BAIAP2L1: variants seen among roughly 807,000 people sequenced by gnomAD.
BAIAP2L1 encodes the protein BAR/IMD domain containing adaptor protein 2 like 1, also known as BAR/IMD domain-containing adapter protein 2-like 1.
Under a neutral mutation model 66.3 loss-of-function variants are expected in BAIAP2L1, and 35 were observed. The observed-to-expected ratio is 0.53, with a 90% CI of 0.40 to 0.70. BAIAP2L1 has a LOEUF of 0.70. BAIAP2L1 is among the 30% of genes least tolerant of loss of function. The pLI is 0.00. For missense variants in BAIAP2L1, 622 were observed against 656.9 expected (o/e 0.95, Z 0.58); for synonymous variants, 269 against 248.7 (o/e 1.08, Z -0.77).
chr7:98,376,668 A>C (rs1448447084), intron 1 of BAIAP2L1, among the ~76,000 whole-genome samples: 1 of 151,224 alleles, frequency 6.6e-6, no homozygotes, highest in African/African-American at 2.4e-5. Context: ...AAAAAAAAAA[A>C]AAAAAAACAC....
intron 1 of BAIAP2L1, among the ~76,000 whole-genome samples, chr7:98,380,479 A>G (rs575489347): frequency 6.6e-6 from 1 of 152,228 alleles, no homozygotes; most frequent in South Asian, 2.1e-4. Flanking sequence ...TAAACCCATC[A>G]GATCTTGTGA....
chr7:98,372,213 C>A (rs1802527222), intron 1 of BAIAP2L1, among the ~76,000 whole-genome samples: 2 of 151,982 alleles, frequency 1.3e-5, no homozygotes, highest in South Asian at 4.1e-4. Context: ...CGAGACCAAC[C>A]TGGGCAACAT....
intron 3 of BAIAP2L1, among the ~76,000 whole-genome samples, chr7:98,334,689 G>A (rs906152976): frequency 1.3e-5 from 2 of 151,798 alleles, no homozygotes; most frequent in Non-Finnish European, 2.9e-5. Flanking sequence ...CTGACTATAG[G>A]TGCCCCCCAC....
chr7:98,312,389 G>A (rs1454627572), intron 7 of BAIAP2L1, 125 bp from the exon 8 acceptor site: 1 of 1,021,088 alleles, frequency 9.8e-7, no homozygotes, highest in African/African-American at 1.6e-5. Flanking sequence ...GGGGCCCTGG[G>A]TTAAACTCGG....
chr7:98,315,820 G>A (rs984875563), intron 6 of BAIAP2L1, among the ~76,000 whole-genome samples: 1 of 152,176 alleles, frequency 6.6e-6, no homozygotes, highest in African/African-American at 2.4e-5. Context: ...GCAGAGAGAA[G>A]TTGCCCAAGG....
chr7:98,294,183 G>A, intron 12 of BAIAP2L1, 72 bp from the exon 13 acceptor site: 2 of 1,521,346 alleles, frequency 1.3e-6, no homozygotes, highest in Admixed American at 1.7e-5. Flanking sequence ...GGTAGAGATG[G>A]GGATTTGCTA....
chr7:98,388,012 C>G (rs1448047413), intron 1 of BAIAP2L1, among the ~76,000 whole-genome samples: 1 of 151,906 alleles, frequency 6.6e-6, no homozygotes, highest in Non-Finnish European at 1.5e-5. Flanking sequence ...CCACCTATTT[C>G]AGTCATTTGT....
intron 2 of BAIAP2L1, among the ~76,000 whole-genome samples, chr7:98,359,098 A>G (rs2115712825): frequency 6.6e-6 from 1 of 152,322 alleles, no homozygotes; most frequent in South Asian, 2.1e-4. Flanking sequence ...CACGGGCCGC[A>G]GAAGACTGCA....
In BAIAP2L1 at chr7:98,292,345, C is replaced by T. The variant is rs1799999700; in HGVS notation, c.*1176G>A. The stretch of plus-strand genomic sequence containing the variant: ...CAAGTGATTCTCCTGCCTCAGCCTC[C>T]TGAGTGGCGCCCACCACCACACCTG... On this transcript the variant is annotated 3_prime_UTR_variant, in exon 14 of 14. Coordinates refer to ENST00000005260, the MANE Select transcript of BAIAP2L1 (RefSeq NM_018842.5). 5.3e-6 allele frequency: 2 copies of T among 378,280 alleles called. No homozygotes were observed. The highest frequency in any genetic ancestry group is 1.1e-4 in the East Asian group (2 of 18,156). The allele number at this position is 378,280 out of a possible 1,614,324, so 23.4% of individuals were successfully genotyped here. A position where few individuals can be genotyped will look rare whatever the true frequency, so the allele number is the denominator to read the frequency against.
At chr7:98,387,619 G>T (rs1367777038) in intron 1 of BAIAP2L1, among the ~76,000 whole-genome samples, 5 of 152,080 alleles carry the variant, frequency 3.3e-5, no homozygotes, top group Non-Finnish European at 1.5e-5. Context: ...CAGCACTTTG[G>T]GAGGCTGAGG....
At chr7:98,383,507 G>A (rs186174427) in intron 1 of BAIAP2L1, among the ~76,000 whole-genome samples, 2 of 151,798 alleles carry the variant, frequency 1.3e-5, no homozygotes, top group South Asian at 2.1e-4. Context: ...GGCTGGTCTC[G>A]AACTCCAGAC....
intron 8 of BAIAP2L1, 134 bp downstream of exon 8, chr7:98,311,963 G>GGGAT: frequency 1.2e-6 from 1 of 867,696 alleles, no homozygotes; most frequent in South Asian, 1.8e-5. Context: ...TAAAGGTAAG[G>GGGAT]GGATAGAGGT....
chr7:98,306,366 ATGG>A (rs1800656261), intron 11 of BAIAP2L1, 70 bp downstream of exon 11: 2 of 1,558,032 alleles, frequency 1.3e-6, no homozygotes, highest in Admixed American at 3.3e-5. Flanking sequence ...ACACAGCTAG[ATGG>A]TGGTGTGTTA....
At position 98,320,117 on chromosome 7, in the gene BAIAP2L1, G is replaced by A; in HGVS notation, c.289C>T (p.His97Tyr). The part of the protein sequence containing the change: ...ESLDENFKKF[H>Y]KEIIHELEKK... Reference sequence around the variant, plus strand: ...TCCAGCTCATGGATAATCTCTTTGTGGAATTTTTTAAACTGTTAACAAAAG... The same window carrying A: ...TCCAGCTCATGGATAATCTCTTTGTAGAATTTTTTAAACTGTTAACAAAAG... Residue 97 changes from histidine to tyrosine, a missense_variant, in exon 5 of 14, where the codon CAC becomes TAC. By Grantham distance (83) the His-to-Tyr change is moderately conservative (BLOSUM62 2). Transcript: ENST00000005260. The A allele has an allele frequency of 1.9e-6, 3 of 1,612,372 alleles. No individual in the cohort carries two copies. Among genetic ancestry groups the A allele is most frequent in the Non-Finnish European group, 2.5e-6 (3 of 1,178,766 alleles).
Position 98,292,992 on chromosome 7 carries a change from T to G in BAIAP2L1, c.*529A>C. On this transcript the variant is annotated 3_prime_UTR_variant, in exon 14 of 14. Coordinates refer to ENST00000005260, the MANE Select transcript of BAIAP2L1 (RefSeq NM_018842.5). ...GGGGTTTCTCCATCTCTGGAAGCTC[T>G]ACACTTAAACATTTTAAGTTAAATT... 1 of 1,168,976 alleles carries G rather than the reference T, an allele frequency of 8.6e-7. No homozygotes were observed. The highest frequency in any genetic ancestry group is 1.1e-6 in the Non-Finnish European group (1 of 943,678). 72.4% of individuals were successfully genotyped at this position (1,168,976 alleles called of 1,614,324 possible). A position where few individuals can be genotyped will look rare whatever the true frequency, so the allele number is the denominator to read the frequency against.
chr7:98,293,639 A>T, intron 13 of BAIAP2L1, 43 bp from the exon 14 acceptor site: 1 of 1,579,644 alleles, frequency 6.3e-7, no homozygotes. Flanking sequence ...CTGCTCTACG[A>T]GGGAAACTGG....
At chr7:98,315,325 G>C (rs1263703475) in intron 7 of BAIAP2L1, 135 bp downstream of exon 7, 17 of 717,480 alleles carry the variant, frequency 2.4e-5, no homozygotes, top group Non-Finnish European at 3.4e-5. Context: ...ACAGAGTTTT[G>C]CCATGTTGCC....
chr7:98,354,029 G>A (rs949369372), intron 3 of BAIAP2L1, among the ~76,000 whole-genome samples: 4 of 151,606 alleles, frequency 2.6e-5, no homozygotes, highest in East Asian at 1.9e-4. Context: ...TACATAGATC[G>A]CTTTCTCGCA....
chr7:98,353,637 A>G (rs1802054722), intron 3 of BAIAP2L1, among the ~76,000 whole-genome samples: 1 of 139,148 alleles, frequency 7.2e-6, no homozygotes, highest in African/African-American at 2.7e-5. Flanking sequence ...ATATTTATAT[A>G]TGTATATTAT....
Sources: gnomAD v4.1 joint callset for allele counts (sites outside exome capture counted in the v4.1 genomes callset) on GRCh38, gnomAD v4.1.1 for gene constraint, MANE v1.5 for transcripts, NCBI Gene and HGNC (gene_info 2026-07-23, HGNC 2026-07-21) for gene names.